Variants in DLG2 observed in about 807,000 individuals in gnomAD.
DLG2 encodes the protein discs large MAGUK scaffold protein 2, also known as disks large homolog 2.
Under a neutral mutation model 132.5 loss-of-function variants are expected in DLG2, and 45 were observed. The ratio of observed to expected loss-of-function variants is 0.34; its 90% confidence interval spans 0.27 to 0.44. DLG2 has a LOEUF of 0.44. Among genes scored for constraint, DLG2 ranks in the 20% least tolerant of loss-of-function variants. The probability of loss-of-function intolerance (pLI) is 1.00; values close to 1 mark genes in which losing one functional copy is unlikely to be tolerated. For missense variants in DLG2, 1,045 were observed against 1,196.9 expected, an observed-to-expected ratio of 0.87 and a Z score of 1.87; for synonymous variants, 424 against 419.6, an observed-to-expected ratio of 1.01 and a Z score of -0.13.
At chr11:84,856,383 T>C (rs2082791979) in intron 6 of DLG2, among the ~76,000 whole-genome samples, 1 of 152,054 alleles carries the variant, frequency 6.6e-6, no homozygotes, top group Non-Finnish European at 1.5e-5. Context: ...GCAGGTTCCC[T>C]TCAGCCACCA....
At chr11:85,533,751 T>C (rs996363218) in intron 3 of DLG2, among the ~76,000 whole-genome samples, 18 of 152,176 alleles carry the variant, frequency 1.2e-4, no homozygotes, top group Admixed American at 3.9e-4. Context: ...TCTATCTGGA[T>C]TGTGAATCGG....
chr11:84,883,913 G>T (rs1026134177), intron 6 of DLG2, among the ~76,000 whole-genome samples: 29 of 151,788 alleles, frequency 1.9e-4, no homozygotes, highest in African/African-American at 7.0e-4. Flanking sequence ...AGTCCTTTTG[G>T]CAGGAAATTG....
intron 18 of DLG2, among the ~76,000 whole-genome samples, chr11:83,768,674 A>C (rs1489240244): frequency 6.6e-6 from 1 of 152,250 alleles, no homozygotes; most frequent in Non-Finnish European, 1.5e-5. Context: ...AGGGCTTGGC[A>C]GCACAACGTG....
Position 84,626,748 on chromosome 11 carries a change from C to T in DLG2, c.358-92017G>A, listed in dbSNP as rs541333752. On this transcript the variant is annotated intron_variant, in intron 6 of 27. Transcript: ENST00000376104. ...GTACAGGAGCAGCAAGACCCAACTA[C>T]GGCCCAAGGTTTTCTAAGCAGTGCT... 7.9e-4 allele frequency among the ~76,000 whole-genome samples: 120 copies of T among 152,278 alleles called. 1 individual carries two copies. The highest frequency in any genetic ancestry group is 2.6e-3 in the African/African-American group (108 of 41,568).
At chr11:85,524,280 C>G (rs1348841056) in intron 3 of DLG2, among the ~76,000 whole-genome samples, 1 of 151,954 alleles carries the variant, frequency 6.6e-6, no homozygotes, top group Non-Finnish European at 1.5e-5. Flanking sequence ...GGGATAATTG[C>G]TTGAGGTGAT....
chr11:84,450,827 TCATC>T (rs1250004113), intron 7 of DLG2, among the ~76,000 whole-genome samples: 2 of 151,672 alleles, frequency 1.3e-5, no homozygotes, highest in Non-Finnish European at 3.0e-5. Flanking sequence ...GCCTGTTTAT[TCATC>T]ATTGTAGCCT....
chr11:85,149,561 A>T (rs909646745), intron 5 of DLG2, among the ~76,000 whole-genome samples: 1 of 152,188 alleles, frequency 6.6e-6, no homozygotes, highest in African/African-American at 2.4e-5. Context: ...AGTAAATAGC[A>T]TAAACTTCAA....
intron 4 of DLG2, among the ~76,000 whole-genome samples, chr11:85,166,102 T>A (rs561851052): frequency 1.3e-5 from 2 of 152,136 alleles, no homozygotes; most frequent in Non-Finnish European, 2.9e-5. Flanking sequence ...TCTCTGACAT[T>A]TCACACGATT....
chr11:84,360,753 A>C (rs1314991465), intron 7 of DLG2, among the ~76,000 whole-genome samples: 1 of 151,978 alleles, frequency 6.6e-6, no homozygotes, highest in Non-Finnish European at 1.5e-5. Context: ...TGGATTATGT[A>C]ATCAGTTCCT....
intron 6 of DLG2, among the ~76,000 whole-genome samples, chr11:84,641,629 G>A (rs776359947): frequency 2.6e-5 from 4 of 152,206 alleles, no homozygotes; most frequent in Non-Finnish European, 2.9e-5. Flanking sequence ...GTGAGGCAGC[G>A]TAGTTTAAGT....
At chr11:84,484,605 A>G (rs1049338249) in intron 7 of DLG2, among the ~76,000 whole-genome samples, 3 of 152,176 alleles carry the variant, frequency 2.0e-5, no homozygotes, top group African/African-American at 4.8e-5. Context: ...TCTAGTAAGT[A>G]TCTATTCATC....
chr11:84,799,670 C>T (rs1001991232), intron 6 of DLG2, among the ~76,000 whole-genome samples: 1 of 151,986 alleles, frequency 6.6e-6, no homozygotes, highest in Admixed American at 6.6e-5. Flanking sequence ...AATTTTGAGA[C>T]TCTCTTCTTC....
At chr11:85,084,758 A>T (rs975622486) in intron 6 of DLG2, among the ~76,000 whole-genome samples, 3 of 152,146 alleles carry the variant, frequency 2.0e-5, no homozygotes, top group African/African-American at 7.2e-5. Flanking sequence ...TCACAAATAT[A>T]TGAGATCATT....
chr11:85,285,694 C>T (rs543221725), intron 3 of DLG2, among the ~76,000 whole-genome samples: 10 of 151,976 alleles, frequency 6.6e-5, no homozygotes, highest in Middle Eastern at 3.4e-3. Flanking sequence ...ATCTTAAATG[C>T]ATATTGCTAA....
At chr11:84,957,099 G>C (rs970380117) in intron 6 of DLG2, among the ~76,000 whole-genome samples, 4 of 152,214 alleles carry the variant, frequency 2.6e-5, no homozygotes, top group Admixed American at 6.5e-5. Context: ...AACAACCTTA[G>C]GGGAGAGATA....
At chr11:84,547,625 A>T (rs144121623) in intron 6 of DLG2, among the ~76,000 whole-genome samples, 4 of 152,266 alleles carry the variant, frequency 2.6e-5, no homozygotes, top group Non-Finnish European at 5.9e-5. Context: ...TTAGTTGATA[A>T]ATGATATCTT....
chr11:84,008,932 TTTTG>T (rs991037966), intron 11 of DLG2, among the ~76,000 whole-genome samples: 8 of 149,310 alleles, frequency 5.4e-5, no homozygotes, highest in African/African-American at 1.8e-4. Flanking sequence ...TGTTTTTTTT[TTTTG>T]TTGTTGTTGT....
intron 11 of DLG2, among the ~76,000 whole-genome samples, chr11:84,026,291 G>A (rs1046509608): frequency 1.3e-5 from 2 of 151,984 alleles, no homozygotes; most frequent in African/African-American, 2.4e-5. Context: ...AGTCGTGCCT[G>A]GTTTGGAAAA....
At chr11:84,364,362 T>C (rs1296140051) in intron 7 of DLG2, among the ~76,000 whole-genome samples, 4 of 152,188 alleles carry the variant, frequency 2.6e-5, no homozygotes, top group Non-Finnish European at 5.9e-5. Flanking sequence ...ATTGATTTTG[T>C]ATCCTGAGAC....
Sources: allele counts gnomAD v4.1 joint callset (sites outside exome capture counted in the v4.1 genomes callset), GRCh38; gene constraint gnomAD v4.1.1; transcripts MANE v1.5; gene names NCBI Gene and HGNC (gene_info 2026-07-23, HGNC 2026-07-21).